The following ZNF674 variants were observed in gnomAD, a reference collection of about 807,000 sequenced individuals.
ZNF674 encodes the protein zinc finger family member 674.
In ZNF674, 2 loss-of-function variants were observed where a neutral mutation model predicts 7.0. The observed-to-expected ratio is 0.29, with a 90% CI of 0.12 to 0.90. The LOEUF is 0.90. Among genes scored for constraint, ZNF674 ranks in the 40% least tolerant of loss-of-function variants. The pLI is 0.57. For missense variants in ZNF674, 297 were observed against 415.5 expected (o/e 0.71, Z 2.48); for synonymous variants, 103 against 145.2 (o/e 0.71, Z 2.09).
chrX:46,536,980 A>G (rs1942210497), intron 3 of ZNF674, among the ~76,000 whole-genome samples: 1 of 111,823 alleles, frequency 8.9e-6, no homozygotes, highest in African/African-American at 3.2e-5. Context: ...ATAAAAATTG[A>G]CTCACACAGG....
chrX:46,540,174 G>A (rs775667596), intron 3 of ZNF674, among the ~76,000 whole-genome samples: 56 of 110,414 alleles, frequency 5.1e-4, no homozygotes, highest in African/African-American at 1.7e-3. Context: ...AACCCAGGAG[G>A]CGGAGCTCGC....
chrX:46,513,750 T>C (rs955518104), intron 5 of ZNF674, among the ~76,000 whole-genome samples: 4 of 111,952 alleles, frequency 3.6e-5, no homozygotes, highest in African/African-American at 1.3e-4. Flanking sequence ...ATGTCCTTTA[T>C]CTCTAACATA....
At chrX:46,545,066 T>C (rs1942354817) in intron 1 of ZNF674, among the ~76,000 whole-genome samples, 1 of 111,674 alleles carries the variant, frequency 9.0e-6, no homozygotes, top group Non-Finnish European at 1.9e-5. Context: ...CTGTACCGTT[T>C]TCTCTCTATA....
chrX:46,524,292 T>C (rs776634691), intron 5 of ZNF674, among the ~76,000 whole-genome samples: 1 of 111,614 alleles, frequency 9.0e-6, no homozygotes, highest in Non-Finnish European at 1.9e-5. Flanking sequence ...ATAGCATAGA[T>C]GCAAAATAAC....
At chrX:46,536,186 A>C (rs1236669866) in intron 3 of ZNF674, among the ~76,000 whole-genome samples, 1 of 111,900 alleles carries the variant, frequency 8.9e-6, no homozygotes, top group South Asian at 3.7e-4. Context: ...AAGGTCTGGC[A>C]CAGTGGCTCA....
intron 5 of ZNF674, among the ~76,000 whole-genome samples, chrX:46,518,032 G>A (rs1023419387): frequency 9.0e-6 from 1 of 110,658 alleles, no homozygotes; most frequent in Non-Finnish European, 1.9e-5. Context: ...AAGACGAAAT[G>A]TAAAAATTAT....
intron 3 of ZNF674, among the ~76,000 whole-genome samples, chrX:46,541,313 A>G (rs1942291706): frequency 9.4e-6 from 1 of 106,014 alleles, no homozygotes; most frequent in Non-Finnish European, 1.9e-5. Context: ...GTGAGCCGAT[A>G]TCGCACCATT....
intron 3 of ZNF674, among the ~76,000 whole-genome samples, chrX:46,531,066 G>A (rs1284645613): frequency 1.8e-5 from 2 of 113,132 alleles, no homozygotes; most frequent in Admixed American, 1.9e-4. Context: ...CTGGGGGACA[G>A]AGCAAGACCT....
chrX:46,537,935 A>AG (rs1248431637), intron 3 of ZNF674, among the ~76,000 whole-genome samples: 1 of 111,322 alleles, frequency 9.0e-6, no homozygotes, highest in Non-Finnish European at 1.9e-5. Flanking sequence ...CTAAAAATAC[A>AG]AAAATTAGCC....
rs1400195880 is a variant in ZNF674 at position 46,500,750 on chromosome X, T to C, written c.824A>G (p.Tyr275Cys). 3.3e-6 allele frequency: 4 copies of C among 1,203,391 alleles called. No individual in the cohort carries two copies. Among genetic ancestry groups the C allele is most frequent in the Middle Eastern group, 2.3e-4 (1 of 4,361 alleles). The change falls in exon 6 of 6, where the codon TAT becomes TGT. Residue 275 changes from tyrosine to cysteine, a missense_variant. Transcript: ENST00000683375. ...GGTTTTTCCACATTCACTGCATTCA[T>C]AGGGCTTCTCCCCTGTGTGAGTTCT... The part of the protein sequence containing the change: ...HQRTHTGEKP[Y>C]ECSECGKTFI...
In ZNF674 at chrX:46,537,318, GAA is replaced by G. The variant is rs771319280; in HGVS notation, c.15+4753_15+4754del. On this transcript the variant is annotated intron_variant, in intron 3 of 5. Transcript: ENST00000683375. ...ATGCCTGGGATACTTTTGTCTAAAT[GAA>G]AAAAAAAAAAGCAAATTTCAGAAAA... Among the ~76,000 whole-genome samples the G allele has an allele frequency of 1.8e-4, 17 of 93,548 alleles. No individual in the cohort carries two copies. The South Asian group carries it at 5.9e-3, about 33-fold the overall frequency. The allele number at this position is 93,548 out of a possible 115,157, so 81.2% of individuals were successfully genotyped here. A position where few individuals can be genotyped will look rare whatever the true frequency, so the allele number is the denominator to read the frequency against.
At chrX:46,501,938 A>G (rs1941439534) in intron 5 of ZNF674, among the ~76,000 whole-genome samples, 1 of 109,500 alleles carries the variant, frequency 9.1e-6, no homozygotes, top group African/African-American at 3.3e-5. Context: ...ACATACACAC[A>G]CTCATGTCTT....
intron 3 of ZNF674, among the ~76,000 whole-genome samples, chrX:46,534,800 T>G (rs13440721): frequency 0.27 from 29,530 of 108,253 alleles, 3,142 homozygotes; most frequent in Middle Eastern, 0.39. Flanking sequence ...GAGTGCAGTG[T>G]TGTGATCTCA....
At chrX:46,535,802 T>C (rs1424035084) in intron 3 of ZNF674, among the ~76,000 whole-genome samples, 2 of 111,986 alleles carry the variant, frequency 1.8e-5, no homozygotes, top group Non-Finnish European at 3.8e-5. Context: ...GATTTTACCC[T>C]ATACCTTTAA....
intron 5 of ZNF674, among the ~76,000 whole-genome samples, chrX:46,522,425 G>A (rs1395882918): frequency 1.8e-5 from 2 of 111,490 alleles, no homozygotes; most frequent in Non-Finnish European, 3.8e-5. Context: ...CACACTTTAG[G>A]AGGCCAAGAC....
At position 46,500,505 on chromosome X, in the gene ZNF674, G is replaced by T. The variant is rs180754888; in HGVS notation, c.1069C>A (p.His357Asn). 149 of 1,210,446 alleles carry T rather than the reference G, an allele frequency of 1.2e-4. No homozygotes were observed. The East Asian group carries it at 3.9e-3, about 32-fold the overall frequency. Reference sequence around the variant, plus strand: ...GGCTTCTCATCAGAGGCTTTCCCATGTTCACTGCACTGAGGTTTCTCACTT... The same window carrying T: ...GGCTTCTCATCAGAGGCTTTCCCATTTTCACTGCACTGAGGTTTCTCACTT... The part of the protein sequence containing the change: ...HTSEKPQCSE[H>N]GKASDEKPSP... The change falls in exon 6 of 6, where the codon CAT becomes AAT. Residue 357 changes from histidine to asparagine, a missense_variant. Coordinates refer to ENST00000683375, the MANE Select transcript of ZNF674 (RefSeq NM_001190417.2).
intron 3 of ZNF674, among the ~76,000 whole-genome samples, chrX:46,540,218 T>C (rs1402127754): frequency 1.9e-5 from 2 of 107,948 alleles, no homozygotes; most frequent in Non-Finnish European, 3.8e-5. Context: ...CACTCCAGCC[T>C]GGGCGACAGA....
chrX:46,513,137 C>A (rs181178955), intron 5 of ZNF674, among the ~76,000 whole-genome samples: 1 of 111,095 alleles, frequency 9.0e-6, no homozygotes, highest in East Asian at 2.8e-4. Context: ...GTGGCACACA[C>A]CTGTAGTCTC....
At chrX:46,512,559 G>A (rs963999380) in intron 5 of ZNF674, among the ~76,000 whole-genome samples, 1 of 109,486 alleles carries the variant, frequency 9.1e-6, no homozygotes, top group Non-Finnish European at 1.9e-5. Flanking sequence ...TCAGGAGTTC[G>A]AGTTCAGCCT....
Sources: gnomAD v4.1 joint callset for allele counts (sites outside exome capture counted in the v4.1 genomes callset) on GRCh38, gnomAD v4.1.1 for gene constraint, MANE v1.5 for transcripts, NCBI Gene and HGNC (gene_info 2026-07-23, HGNC 2026-07-21) for gene names.